Variants in ANKS1B observed in about 807,000 individuals in gnomAD.
ANKS1B encodes ankyrin repeat and sterile alpha motif domain-containing protein 1B.
In ANKS1B, 36 loss-of-function variants were observed where a neutral mutation model predicts 148.3. The observed-to-expected ratio is 0.24, with a 90% CI of 0.19 to 0.32. The LOEUF is 0.32. ANKS1B is among the 10% of genes least tolerant of loss of function. ANKS1B has a pLI of 1.00. For synonymous variants in ANKS1B, 542 were observed against 560.8 expected (o/e 0.97, Z 0.47); for missense variants, 1,157 against 1,542.6 (o/e 0.75, Z 4.19).
chr12:99,507,832 A>G (rs2096727270), intron 9 of ANKS1B, among the ~76,000 whole-genome samples: 1 of 151,938 alleles, frequency 6.6e-6, no homozygotes, highest in Non-Finnish European at 1.5e-5. Flanking sequence ...TTTTTTAAAA[A>G]AATGGATCCA....
chr12:99,966,239 GGT>G (rs1481087731), intron 1 of ANKS1B, among the ~76,000 whole-genome samples: 3 of 152,110 alleles, frequency 2.0e-5, no homozygotes, highest in African/African-American at 7.2e-5. Flanking sequence ...ACTGTATTGT[GGT>G]TAGGTCGAAG....
chr12:99,706,182 T>C (rs957419405), intron 8 of ANKS1B, among the ~76,000 whole-genome samples: 9 of 152,000 alleles, frequency 5.9e-5, no homozygotes, highest in Non-Finnish European at 1.0e-4. Flanking sequence ...CCATATTCCA[T>C]AGTGGGATGT....
chr12:99,282,571 A>C (rs2078618254), intron 12 of ANKS1B, among the ~76,000 whole-genome samples: 2 of 152,192 alleles, frequency 1.3e-5, no homozygotes. Context: ...TCCAGGCAGG[A>C]AAAGACCATG....
At chr12:99,317,403 G>A (rs1372421001) in intron 12 of ANKS1B, among the ~76,000 whole-genome samples, 2 of 152,068 alleles carry the variant, frequency 1.3e-5, no homozygotes, top group African/African-American at 4.8e-5. Flanking sequence ...TGGATTCCTA[G>A]GTATTTTATT....
At chr12:99,746,048 A>C (rs1165684991) in intron 8 of ANKS1B, among the ~76,000 whole-genome samples, 1 of 152,116 alleles carries the variant, frequency 6.6e-6, no homozygotes, top group Non-Finnish European at 1.5e-5. Context: ...TAACAAAAAG[A>C]CTCAGTTATG....
At chr12:99,000,075 T>A (rs1432434064) in intron 17 of ANKS1B, among the ~76,000 whole-genome samples, 1 of 151,024 alleles carries the variant, frequency 6.6e-6, no homozygotes, top group African/African-American at 2.4e-5. Context: ...AACGGGTGGG[T>A]AGAAGAAGAG....
intron 8 of ANKS1B, among the ~76,000 whole-genome samples, chr12:99,750,993 CATTTT>C (rs2061053572): frequency 6.6e-6 from 1 of 151,756 alleles, no homozygotes; most frequent in Non-Finnish European, 1.5e-5. Context: ...ATTCATGATT[CATTTT>C]ATTTTTCCAC....
At chr12:99,518,322 C>T (rs1332981341) in intron 9 of ANKS1B, among the ~76,000 whole-genome samples, 1 of 152,074 alleles carries the variant, frequency 6.6e-6, no homozygotes, top group Non-Finnish European at 1.5e-5. Flanking sequence ...TAGAATTCAG[C>T]AGTGAAGCCA....
chr12:99,748,846 T>C (rs1385164877), intron 8 of ANKS1B, among the ~76,000 whole-genome samples: 1 of 152,106 alleles, frequency 6.6e-6, no homozygotes, highest in Non-Finnish European at 1.5e-5. Flanking sequence ...ATAGCCAAAA[T>C]TCAGGTAATA....
At chr12:99,754,821 C>T (rs2061418449) in intron 8 of ANKS1B, among the ~76,000 whole-genome samples, 1 of 152,050 alleles carries the variant, frequency 6.6e-6, no homozygotes, top group Non-Finnish European at 1.5e-5. Context: ...ATACAACATA[C>T]CAGAATCTCT....
intron 16 of ANKS1B, chr12:99,083,847 T>C (rs2888379): frequency 0.56 from 84,869 of 151,942 alleles, 24,707 homozygotes; most frequent in East Asian, 0.74. Flanking sequence ...AGACCCGAAC[T>C]TGCTTAGCTT....
intron 10 of ANKS1B, among the ~76,000 whole-genome samples, chr12:99,452,454 T>G (rs1419263893): frequency 6.6e-6 from 1 of 152,184 alleles, no homozygotes; most frequent in Non-Finnish European, 1.5e-5. Context: ...AAAATGGCAT[T>G]ATATCTAACA....
At chr12:99,935,167 A>C (rs1401603478) in intron 1 of ANKS1B, among the ~76,000 whole-genome samples, 1 of 152,168 alleles carries the variant, frequency 6.6e-6, no homozygotes, top group Non-Finnish European at 1.5e-5. Context: ...ACAGAAGCAG[A>C]GTAAGTACCA....
chr12:99,860,014 C>T (rs1188122584), intron 1 of ANKS1B, among the ~76,000 whole-genome samples: 2 of 152,184 alleles, frequency 1.3e-5, no homozygotes, highest in African/African-American at 4.8e-5. Context: ...TACTACTTCT[C>T]ATTTCTGAAT....
intron 14 of ANKS1B, among the ~76,000 whole-genome samples, chr12:99,161,304 A>C (rs1448330377): frequency 1.3e-5 from 2 of 152,192 alleles, no homozygotes; most frequent in Admixed American, 1.3e-4. Context: ...TGGGAGGCTG[A>C]GGTGAGAGGA....
chr12:99,413,986 C>T (rs528500527), intron 11 of ANKS1B, among the ~76,000 whole-genome samples: 3 of 152,316 alleles, frequency 2.0e-5, no homozygotes, highest in Admixed American at 6.5e-5. Context: ...ACCTGCCTTT[C>T]CTGCCCAGGG....
chr12:99,534,577 C>T (rs1458975720), intron 9 of ANKS1B, among the ~76,000 whole-genome samples: 3 of 152,088 alleles, frequency 2.0e-5, no homozygotes, highest in African/African-American at 7.2e-5. Context: ...TAATTAAACA[C>T]CATTAATGGA....
chr12:99,656,882 T>C (rs2098452194), intron 8 of ANKS1B, among the ~76,000 whole-genome samples: 1 of 152,204 alleles, frequency 6.6e-6, no homozygotes, highest in Admixed American at 6.6e-5. Flanking sequence ...TTCTACATAT[T>C]GGATTGTAAA....
chr12:98,990,317 T>G (rs1421471674), intron 17 of ANKS1B, among the ~76,000 whole-genome samples: 1 of 152,102 alleles, frequency 6.6e-6, no homozygotes, highest in African/African-American at 2.4e-5. Context: ...GCTTGCTTTT[T>G]GGGTACGGAA....
Sources: allele counts gnomAD v4.1 joint callset (sites outside exome capture counted in the v4.1 genomes callset), GRCh38; gene constraint gnomAD v4.1.1; transcripts MANE v1.5; gene names NCBI Gene and HGNC (gene_info 2026-07-23, HGNC 2026-07-21).